Variants in MAP6 observed in about 807,000 individuals in gnomAD.
MAP6 encodes the protein microtubule associated protein 6.
MAP6 carries 26 observed loss-of-function variants against 42.4 expected under a neutral mutation model. That is an observed-to-expected ratio of 0.61 (90% CI 0.45 to 0.85). The LOEUF (loss-of-function observed/expected upper bound fraction) is 0.85, where lower values mean the gene tolerates loss of function less well. Among genes scored for constraint, MAP6 ranks in the 40% least tolerant of loss-of-function variants. The pLI, the probability that MAP6 is intolerant of heterozygous loss-of-function variation, is 0.00. For synonymous variants in MAP6, 418 were observed against 443.8 expected, an observed-to-expected ratio of 0.94 and a Z score of 0.73; for missense variants, 966 against 1,099.0, an observed-to-expected ratio of 0.88 and a Z score of 1.71.
At chr11:75,635,817 A>G (rs1177411363) in intron 1 of MAP6, 1 of 152,252 alleles carries the variant, frequency 6.6e-6, no homozygotes, top group Non-Finnish European at 1.5e-5. Context: ...TGTGTTTAAC[A>G]TCTAGCTCAG....
At chr11:75,637,385 T>C (rs549512059) in intron 1 of MAP6, among the ~76,000 whole-genome samples, 2 of 152,308 alleles carry the variant, frequency 1.3e-5, no homozygotes, top group East Asian at 1.9e-4. Context: ...GAAAACAGTA[T>C]TGACTCATAA....
intron 3 of MAP6, chr11:75,594,648 A>T (rs557967014): frequency 6.6e-6 from 1 of 152,268 alleles, no homozygotes; most frequent in African/African-American, 2.4e-5. Context: ...TCATTGTAGT[A>T]CCTGGCAGAT....
chr11:75,630,859 T>G (rs1428816536), intron 1 of MAP6, among the ~76,000 whole-genome samples: 1 of 152,222 alleles, frequency 6.6e-6, no homozygotes, highest in Non-Finnish European at 1.5e-5. Flanking sequence ...TAAGAACAAT[T>G]GTCCAAATGT....
rs754131295 is a variant in MAP6 at position 75,587,832 on chromosome 11, C to G, written c.1669G>C (p.Glu557Gln). 3.1e-6 allele frequency: 5 copies of G among 1,614,190 alleles called. No homozygotes were observed. The South Asian group carries it at 3.3e-5, about 11-fold the overall frequency. Reference sequence around the variant, plus strand: ...CTAGGACCTTGATCCTTTAGAGACTCTGGTACCACAGAGCCTTGATCCTTA... The same window carrying G: ...CTAGGACCTTGATCCTTTAGAGACTGTGGTACCACAGAGCCTTGATCCTTA... ...KVKDQGSVVP[E>Q]SLKDQGPRIP... The change falls in exon 4 of 4, where the codon GAG becomes CAG. Residue 557 changes from glutamate to glutamine, a missense_variant. Glu to Gln is a conservative substitution (Grantham distance 29). Around this residue, in one of 2 missense-constraint regions of MAP6, gnomAD observed 943 missense variants for 1,049.9 expected, o/e 0.90. Coordinates refer to ENST00000304771, the MANE Select transcript of MAP6 (RefSeq NM_033063.2).
At chr11:75,630,123 G>C (rs778022652) in intron 1 of MAP6, among the ~76,000 whole-genome samples, 6 of 152,082 alleles carry the variant, frequency 3.9e-5, no homozygotes, top group Non-Finnish European at 2.9e-5. Context: ...TGTCTTCATC[G>C]TGGTCTTCCG....
At chr11:75,623,896 T>C (rs960162784) in intron 1 of MAP6, among the ~76,000 whole-genome samples, 2 of 152,184 alleles carry the variant, frequency 1.3e-5, no homozygotes, top group African/African-American at 4.8e-5. Context: ...ACTGATTCCC[T>C]GGAAGTGATG....
At position 75,587,365 on chromosome 11, in the gene MAP6, G is replaced by A. The variant is rs139539633; in HGVS notation, c.2136C>T (p.Ser712=). 60 of 1,614,020 alleles carry A rather than the reference G, an allele frequency of 3.7e-5. 1 individual carries two copies. In the African/African-American group the frequency reaches 5.3e-4, roughly 14 times the overall value. The part of the protein sequence containing the change: ...VKNQGPVVPE[S]VKNQDPILPV... ...GGAGAATGGGGTCTTGATTCTTCAC[G>A]GACTCGGGGACCACAGGACCTTGAT... The change falls in exon 4 of 4, where the codon TCC becomes TCT. Residue 712 remains serine (S), a synonymous_variant. Coordinates refer to ENST00000304771, the MANE Select transcript of MAP6 (RefSeq NM_033063.2).
rs994606678 is a variant in MAP6 at position 75,667,259 on chromosome 11, G to C, written c.905+206C>G. The stretch of plus-strand genomic sequence containing the variant: ...GTGAAAGAGCCAGGCAGGCTGAGAT[G>C]GAATATACTAACAGCTTGCGCATGG... On this transcript the variant is annotated intron_variant, in intron 1 of 3. Transcript: ENST00000304771. The surrounding 1 kb of genome is among the most constrained non-coding windows in gnomAD (Gnocchi z 5.6). Among the ~76,000 whole-genome samples, 1 of 152,170 alleles carries C rather than the reference G, an allele frequency of 6.6e-6. No homozygotes were observed. Among genetic ancestry groups the C allele is most frequent in the East Asian group, 1.9e-4 (1 of 5,180 alleles).
chr11:75,597,067 T>C (rs1942591165), intron 3 of MAP6: 1 of 152,238 alleles, frequency 6.6e-6, no homozygotes, highest in South Asian at 2.1e-4. Context: ...TTCTGATTTG[T>C]TTATCTGTAA....
intron 1 of MAP6, among the ~76,000 whole-genome samples, chr11:75,612,744 A>ATGGTGCTCTCC (rs1942922741): frequency 6.6e-6 from 1 of 152,128 alleles, no homozygotes; most frequent in South Asian, 2.1e-4. Flanking sequence ...TTCTCCATTG[A>ATGGTGCTCTCC]TGGTGCTCTC....
chr11:75,607,828 T>C (rs1485923237), intron 2 of MAP6: 1 of 253,638 alleles, frequency 3.9e-6, no homozygotes, highest in Non-Finnish European at 6.2e-6. Flanking sequence ...CTGCCATTGT[T>C]TATCTGGATT....
At chr11:75,651,769 T>C (rs1311369959) in intron 1 of MAP6, among the ~76,000 whole-genome samples, 1 of 152,222 alleles carries the variant, frequency 6.6e-6, no homozygotes, top group Non-Finnish European at 1.5e-5. Context: ...GAAGAATGAG[T>C]GATGTGCTTA....
At chr11:75,605,554 A>AG (rs1942746514) in intron 3 of MAP6, 1 of 1,275,608 alleles carries the variant, frequency 7.8e-7, no homozygotes, top group African/African-American at 1.5e-5. Context: ...GTGCCAGGGG[A>AG]GGGCACAGCC....
intron 3 of MAP6, among the ~76,000 whole-genome samples, chr11:75,595,309 C>G (rs566738570): frequency 6.6e-6 from 1 of 152,344 alleles, no homozygotes; most frequent in South Asian, 2.1e-4. Flanking sequence ...GAATGCCCTG[C>G]TGGCTGCCCC....
At chr11:75,604,280 T>C (rs1942718317) in intron 3 of MAP6, 3 of 985,720 alleles carry the variant, frequency 3.0e-6, no homozygotes, top group Admixed American at 6.1e-5. Context: ...ACCAAAATGA[T>C]GTAAGCAGAG....
intron 1 of MAP6, among the ~76,000 whole-genome samples, chr11:75,634,333 A>G (rs1184887406): frequency 1.3e-5 from 2 of 152,210 alleles, no homozygotes; most frequent in African/African-American, 4.8e-5. Context: ...CTGGAGTGCC[A>G]GGGCGTGATC....
At chr11:75,633,872 G>A (rs1488237478) in intron 1 of MAP6, among the ~76,000 whole-genome samples, 1 of 152,202 alleles carries the variant, frequency 6.6e-6, no homozygotes, top group Non-Finnish European at 1.5e-5. Flanking sequence ...CAGAGAGAGG[G>A]ATTTGGTTTA....
intron 1 of MAP6, among the ~76,000 whole-genome samples, chr11:75,619,732 G>A (rs999762740): frequency 6.6e-6 from 1 of 152,186 alleles, no homozygotes; most frequent in Non-Finnish European, 1.5e-5. Flanking sequence ...ATCATTGATG[G>A]GCATTTAGGT....
chr11:75,629,783 C>A (rs1943255345), intron 1 of MAP6, among the ~76,000 whole-genome samples: 4 of 151,966 alleles, frequency 2.6e-5, no homozygotes, highest in Admixed American at 2.0e-4. Context: ...TTGGAGGGAG[C>A]TGTTACTGAA....
Sources: allele counts gnomAD v4.1 joint callset (sites outside exome capture counted in the v4.1 genomes callset), GRCh38; gene constraint gnomAD v4.1.1; regional missense constraint gnomAD v4.1.1; non-coding constraint Gnocchi (gnomAD v3.1); transcripts MANE v1.5; gene names NCBI Gene and HGNC (gene_info 2026-07-23, HGNC 2026-07-21).